The following ERICH3 variants were observed in gnomAD, a reference collection of about 807,000 sequenced individuals.
ERICH3 encodes the protein glutamate rich 3.
ERICH3 carries 126 observed loss-of-function variants against 131.1 expected under a neutral mutation model. The observed-to-expected ratio is 0.96, with a 90% CI of 0.83 to 1.11. The LOEUF (loss-of-function observed/expected upper bound fraction) is 1.11, where lower values mean the gene tolerates loss of function less well. ERICH3 is among the 50% of genes most tolerant of loss of function. ERICH3 has a pLI of 0.00. For synonymous variants in ERICH3, 695 were observed against 644.6 expected, an observed-to-expected ratio of 1.08 and a Z score of -1.18; for missense variants, 2,050 against 1,810.7, an observed-to-expected ratio of 1.13 and a Z score of -2.40.
chr1:74,662,924 G>A (rs1260457592), intron 1 of ERICH3, among the ~76,000 whole-genome samples: 6 of 152,174 alleles, frequency 3.9e-5, no homozygotes, highest in African/African-American at 1.4e-4. Context: ...GCTAAGGTGG[G>A]ATAATTGCTT....
chr1:74,641,576 A>T, intron 4 of ERICH3, 117 bp from the exon 5 acceptor site: 1 of 1,263,388 alleles, frequency 7.9e-7, no homozygotes, highest in Non-Finnish European at 1.1e-6. Context: ...TTCTTCCAAG[A>T]GTTACTTTTG....
rs1175318835 is a variant in ERICH3 at position 74,646,658 on chromosome 1, T to C, written c.243+9A>G. 4.8e-6 allele frequency: 6 copies of C among 1,257,396 alleles called. 1 individual carries two copies. Among genetic ancestry groups the C allele is most frequent in the Middle Eastern group, 2.7e-4 (1 of 3,712 alleles). 77.9% of individuals were successfully genotyped at this position (1,257,396 alleles called of 1,614,324 possible). A position where few individuals can be genotyped will look rare whatever the true frequency, so the allele number is the denominator to read the frequency against. On this transcript the variant is annotated intron_variant, in intron 3 of 14. Transcript: ENST00000326665. Reference sequence around the variant, plus strand: ...TAAAATAAAATAAAAAATAAGTATATATTTTTACCTCCATATCAAGAACTT... The same window carrying C: ...TAAAATAAAATAAAAAATAAGTATACATTTTTACCTCCATATCAAGAACTT...
At chr1:74,674,158 A>G (rs114078498), upstream of ERICH3, among the ~76,000 whole-genome samples, 2,632 of 152,266 alleles carry the variant, frequency 0.017, 72 homozygotes, top group African/African-American at 0.06. Flanking sequence ...CTGCATCTGT[A>G]AGGCATTACA....
At chr1:74,645,023 C>T (rs755458001) in intron 3 of ERICH3, among the ~76,000 whole-genome samples, 2 of 152,068 alleles carry the variant, frequency 1.3e-5, no homozygotes, top group African/African-American at 4.8e-5. Context: ...CCTTTCACAC[C>T]TCTGCAACTT....
At chr1:74,642,836 C>G (rs1421040576) in intron 4 of ERICH3, among the ~76,000 whole-genome samples, 191 bp downstream of exon 4, 2 of 152,116 alleles carry the variant, frequency 1.3e-5, no homozygotes, top group Non-Finnish European at 2.9e-5. Flanking sequence ...TTTGTACAAA[C>G]AGCTCCTATA....
At chr1:74,593,945 C>G (rs972904542) in intron 11 of ERICH3, among the ~76,000 whole-genome samples, 1 of 152,100 alleles carries the variant, frequency 6.6e-6, no homozygotes, top group African/African-American at 2.4e-5. Context: ...CTCCTCTTAG[C>G]TGACTTTTCA....
chr1:74,572,386 T>TTCTGTCTC lies in ERICH3; in HGVS notation c.3316_3323dup (p.Val1109ArgfsTer4). On this transcript the variant is annotated frameshift_variant, in exon 14 of 15. Coordinates refer to ENST00000326665, the MANE Select transcript of ERICH3 (RefSeq NM_001002912.5). LOFTEE classifies it high-confidence loss of function. ...CTTTTGTCTCTTCCTCAGCTCTTAC[T>TTCTGTCTC]TCTGTCTCTGTTTCCCCTTCTTCCG... 1 of 1,613,854 alleles carries TTCTGTCTC rather than the reference T, an allele frequency of 6.2e-7. No homozygotes were observed. Among genetic ancestry groups the TTCTGTCTC allele is most frequent in the Non-Finnish European group, 8.5e-7 (1 of 1,180,018 alleles).
chr1:74,592,430 G>C (rs981753274), intron 11 of ERICH3, among the ~76,000 whole-genome samples: 3 of 152,166 alleles, frequency 2.0e-5, no homozygotes, highest in African/African-American at 7.2e-5. Flanking sequence ...CATCAGCTCT[G>C]ATTTATTAGC....
chr1:74,649,834 G>T (rs1465432779), intron 1 of ERICH3, among the ~76,000 whole-genome samples: 1 of 152,096 alleles, frequency 6.6e-6, no homozygotes, highest in African/African-American at 2.4e-5. Context: ...AATATCTGTG[G>T]TGTATAAGCC....
At position 74,589,987 on chromosome 1, in the gene ERICH3, G is replaced by T. The variant is rs748532494; in HGVS notation, c.1820C>A (p.Thr607Asn). The change falls in exon 12 of 15, where the codon ACT becomes AAT. Residue 607 changes from threonine (T) to asparagine (N), a missense_variant. By Grantham distance (65) the Thr-to-Asn change is moderately conservative (BLOSUM62 0). Transcript: ENST00000326665. ...GGCACTTTCATCTGTGCTGCTGTCA[G>T]TGTGGGCTTCCCTGTCCCCCACTGC... ...ESAVGDREAH[T>N]DSSTDESARR... 1 of 1,613,966 alleles carries T rather than the reference G, an allele frequency of 6.2e-7. No individual in the cohort carries two copies. The highest frequency in any genetic ancestry group is 2.2e-5 in the East Asian group (1 of 44,854).
intron 1 of ERICH3, among the ~76,000 whole-genome samples, chr1:74,669,629 T>C (rs981116689): frequency 6.6e-6 from 1 of 151,850 alleles, no homozygotes; most frequent in Admixed American, 6.5e-5. Flanking sequence ...CTGGAAATGG[T>C]ATTTTATAGT....
At chr1:74,618,012 T>C (rs968133644) in intron 8 of ERICH3, among the ~76,000 whole-genome samples, 1 of 152,020 alleles carries the variant, frequency 6.6e-6, no homozygotes, top group African/African-American at 2.4e-5. Context: ...CTGGGCAACA[T>C]AGCAAGACCC....
At chr1:74,618,964 C>CCAGCTT (rs1649097370) in intron 8 of ERICH3, among the ~76,000 whole-genome samples, 1 of 152,170 alleles carries the variant, frequency 6.6e-6, no homozygotes, top group Non-Finnish European at 1.5e-5. Flanking sequence ...TCTTTTCAGT[C>CCAGCTT]CAGCTAAATT....
intron 1 of ERICH3, among the ~76,000 whole-genome samples, chr1:74,660,755 A>G (rs1646634408): frequency 6.6e-6 from 1 of 151,186 alleles, no homozygotes. Context: ...TATAATTTTC[A>G]GTTACTTTCT....
chr1:74,669,132 C>T (rs79255191), intron 1 of ERICH3, among the ~76,000 whole-genome samples: 4 of 152,262 alleles, frequency 2.6e-5, no homozygotes, highest in South Asian at 4.1e-4. Context: ...CGATGAAAAA[C>T]GACTGCATTA....
At chr1:74,657,686 T>C (rs1199078343) in intron 1 of ERICH3, among the ~76,000 whole-genome samples, 1 of 152,138 alleles carries the variant, frequency 6.6e-6, no homozygotes, top group African/African-American at 2.4e-5. Context: ...TCTCCAACTG[T>C]GCTGACTGCT....
rs1017193371 is a variant in ERICH3 at position 74,568,765 on chromosome 1, T to C, written c.*1693A>G. The C allele has an allele frequency of 2.0e-5, 3 of 152,112 alleles. No homozygotes were observed. Among genetic ancestry groups the C allele is most frequent in the Non-Finnish European group, 4.4e-5 (3 of 67,992 alleles). The allele number at this position is 152,112 out of a possible 1,614,324, so 9.4% of individuals were successfully genotyped here. ...ACATAGAGAGGCAAAGAAAGAAAGT[T>C]CAAAATGCCTCTGTAGTTGGCTTTC... On this transcript the variant is annotated 3_prime_UTR_variant, in exon 15 of 15. Coordinates refer to ENST00000326665, the MANE Select transcript of ERICH3 (RefSeq NM_001002912.5).
At chr1:74,673,428 G>A in intron 1 of ERICH3, 69 bp downstream of exon 1, 2 of 1,582,244 alleles carry the variant, frequency 1.3e-6, no homozygotes, top group Non-Finnish European at 1.7e-6. Flanking sequence ...GCAGCAGGAG[G>A]GAGGAGGAGG....
intron 11 of ERICH3, among the ~76,000 whole-genome samples, chr1:74,595,596 G>A (rs1647809440): frequency 6.6e-6 from 1 of 151,992 alleles, no homozygotes; most frequent in Non-Finnish European, 1.5e-5. Context: ...GTCACATTGT[G>A]CTGTATACAT....
Sources: gnomAD v4.1 joint callset for allele counts (sites outside exome capture counted in the v4.1 genomes callset) on GRCh38, gnomAD v4.1.1 for gene constraint, MANE v1.5 for transcripts, NCBI Gene and HGNC (gene_info 2026-07-23, HGNC 2026-07-21) for gene names.